The following ADAMTSL3 variants were observed in gnomAD, a reference collection of about 807,000 sequenced individuals.
ADAMTSL3 encodes ADAMTS-like protein 3.
A neutral mutation model predicts 201.7 loss-of-function variants in ADAMTSL3; 128 were observed. The ratio of observed to expected loss-of-function variants is 0.63; its 90% CI spans 0.55 to 0.73. ADAMTSL3 has a LOEUF of 0.73. ADAMTSL3 is among the 30% of genes least tolerant of loss of function. ADAMTSL3 has a pLI of 0.00. For synonymous variants in ADAMTSL3, 738 were observed against 748.4 expected (o/e 0.99, Z 0.23); for missense variants, 1,990 against 2,119.6 (o/e 0.94, Z 1.20).
intron 3 of ADAMTSL3, among the ~76,000 whole-genome samples, chr15:83,744,701 C>G (rs996651180): frequency 2.0e-5 from 3 of 152,134 alleles, no homozygotes; most frequent in African/African-American, 7.2e-5. Context: ...ATTTATTTTA[C>G]CTATCTAACT....
rs750560056 is a variant in ADAMTSL3, at chr15:83,942,806, C to T, written c.2310+18C>T. 1 of 1,610,402 alleles carries T rather than the reference C, an allele frequency of 6.2e-7. No homozygotes were observed. ...GGCAGCAGGTAGGGCAGACTGGCCA[C>T]TCCAGGGCCCTCTGTGATTATGACT... is the stretch of plus-strand genomic sequence containing the variant. On this transcript the variant is annotated intron_variant, in intron 18 of 29. Transcript: ENST00000286744.
chr15:83,983,067 C>A lies in ADAMTSL3; in HGVS notation c.3439C>A (p.Pro1147Thr). Reference protein sequence around the residue: ...QWRGIQEETPPAAQLRGETGS... With the variant: ...QWRGIQEETPTAAQLRGETGS... ...GCGGGGCATCCAGGAAGAGACACCT[C>A]CTGCTGCTCAGCTCAGAGGGGAAAC... Residue 1147 changes from proline to threonine, a missense_variant, in exon 21 of 30, where the codon CCT (proline) becomes ACT (threonine). Physicochemically the swap from Pro to Thr is conservative, Grantham distance 38 (BLOSUM62 -1). Coordinates refer to ENST00000286744, the MANE Select transcript of ADAMTSL3 (RefSeq NM_207517.3). 6.2e-7 allele frequency: 1 copy of A among 1,614,148 alleles called. No homozygotes were observed. Among genetic ancestry groups the A allele is most frequent in the Non-Finnish European group, 8.5e-7 (1 of 1,180,028 alleles).
In ADAMTSL3 at chr15:83,773,621, A is replaced by G. The variant is rs759423020; in HGVS notation, c.288A>G (p.Ser96=). The G allele has an allele frequency of 1.2e-6, 2 of 1,611,796 alleles. No individual in the cohort carries two copies. The highest frequency in any genetic ancestry group is 1.3e-5 in the African/African-American group (1 of 74,720). The change falls in exon 4 of 30, where the codon TCA becomes TCG. Residue 96 remains serine (S), a synonymous_variant. Coordinates refer to ENST00000286744, the MANE Select transcript of ADAMTSL3 (RefSeq NM_207517.3). ...CCCGGACCTGTGGGGGAGGAGCATC[A>G]TATTCTCTGCGGAGATGTTTGACTG... ...DCSRTCGGGA[S]YSLRRCLTGR...
At chr15:83,816,728 T>A (rs2063777650) in intron 5 of ADAMTSL3, among the ~76,000 whole-genome samples, 2 of 152,206 alleles carry the variant, frequency 1.3e-5, no homozygotes. Context: ...TCATCTGGCC[T>A]GGCACGGTGG....
intron 3 of ADAMTSL3, among the ~76,000 whole-genome samples, chr15:83,738,203 G>GA (rs1401319223): frequency 1.3e-5 from 2 of 151,998 alleles, no homozygotes; most frequent in African/African-American, 2.4e-5. Context: ...TTTAAATTTA[G>GA]AAAAAAATGG....
chr15:83,759,856 T>C (rs2062781273), intron 3 of ADAMTSL3, among the ~76,000 whole-genome samples: 3 of 152,182 alleles, frequency 2.0e-5, no homozygotes, highest in Admixed American at 2.0e-4. Context: ...ATGAAATATA[T>C]TAACATAAAG....
At chr15:84,009,530 GT>G (rs1245607388) in intron 23 of ADAMTSL3, among the ~76,000 whole-genome samples, 4 of 152,192 alleles carry the variant, frequency 2.6e-5, no homozygotes, top group Admixed American at 6.5e-5. Context: ...GGGTCCAATA[GT>G]TACCATATTT....
chr15:83,680,857 T>C (rs1216672130), intron 2 of ADAMTSL3, among the ~76,000 whole-genome samples: 1 of 152,188 alleles, frequency 6.6e-6, no homozygotes, highest in Non-Finnish European at 1.5e-5. Context: ...TATTCATGTC[T>C]TATTTTTCAA....
chr15:83,893,183 A>C (rs2065545733), intron 13 of ADAMTSL3, among the ~76,000 whole-genome samples: 1 of 152,218 alleles, frequency 6.6e-6, no homozygotes, highest in African/African-American at 2.4e-5. Flanking sequence ...ACAAATGTTG[A>C]AGCAGAGTCA....
chr15:83,780,048 A>T (rs1596193670), intron 4 of ADAMTSL3, among the ~76,000 whole-genome samples: 1 of 130,418 alleles, frequency 7.7e-6, no homozygotes, highest in Middle Eastern at 3.5e-3. Flanking sequence ...AACCAATCCC[A>T]AAGCTAGCAG....
intron 2 of ADAMTSL3, among the ~76,000 whole-genome samples, chr15:83,672,743 G>A (rs72761824): frequency 0.096 from 14,619 of 152,226 alleles, 953 homozygotes; most frequent in East Asian, 0.35. Context: ...CAAAGAACAG[G>A]GATAGGTGGG....
At chr15:83,799,200 A>G (rs932854536) in intron 4 of ADAMTSL3, among the ~76,000 whole-genome samples, 1 of 152,116 alleles carries the variant, frequency 6.6e-6, no homozygotes, top group African/African-American at 2.4e-5. Context: ...TACATATAAA[A>G]CCAAACTGAA....
Position 83,747,846 on chromosome 15 carries a change from T to C in ADAMTSL3, c.190-25677T>C, listed in dbSNP as rs534550859. On this transcript the variant is annotated intron_variant, in intron 3 of 29. Coordinates refer to ENST00000286744, the MANE Select transcript of ADAMTSL3 (RefSeq NM_207517.3). ...TGTTTAAGGATGGAGAAGCGGATCT[T>C]ATTTCAGAACATGGGTCATCCTAGA... Among the ~76,000 whole-genome samples, 17 of 151,562 alleles carry C rather than the reference T, an allele frequency of 1.1e-4. No homozygotes were observed. In the South Asian group the frequency reaches 1.3e-3, roughly 11 times the overall value.
At chr15:83,668,092 A>G (rs934440013) in intron 2 of ADAMTSL3, among the ~76,000 whole-genome samples, 3 of 152,106 alleles carry the variant, frequency 2.0e-5, no homozygotes, top group African/African-American at 7.2e-5. Context: ...CTTCAGCTTG[A>G]AACAACAAAA....
At position 83,804,637 on chromosome 15, in the gene ADAMTSL3, T is replaced by A; in HGVS notation, c.318-13T>A. 6.5e-7 allele frequency: 1 copy of A among 1,533,318 alleles called. No homozygotes were observed. Among genetic ancestry groups the A allele is most frequent in the Non-Finnish European group, 8.9e-7 (1 of 1,127,496 alleles). The allele number at this position is 1,533,318 out of a possible 1,614,324, so 95.0% of individuals were successfully genotyped here. A position where few individuals can be genotyped will look rare whatever the true frequency, so the allele number is the denominator to read the frequency against. On this transcript the variant is annotated splice_polypyrimidine_tract_variant and intron_variant, in intron 4 of 29. Coordinates refer to ENST00000286744, the MANE Select transcript of ADAMTSL3 (RefSeq NM_207517.3). ...ATCATTATTTCTTCTTTCTTCTTTCTTTTTTCCTTTAGGAATTGTGAAGGG... is the reference window on the plus strand; with the variant it reads ...ATCATTATTTCTTCTTTCTTCTTTCATTTTTCCTTTAGGAATTGTGAAGGG...
intron 9 of ADAMTSL3, among the ~76,000 whole-genome samples, chr15:83,875,592 G>T (rs1448736597): frequency 2.0e-5 from 3 of 152,130 alleles, no homozygotes; most frequent in African/African-American, 7.2e-5. Flanking sequence ...AGACCATCCT[G>T]GCCAACATGG....
intron 22 of ADAMTSL3, among the ~76,000 whole-genome samples, chr15:83,990,508 G>C (rs1284465711): frequency 6.6e-6 from 1 of 152,138 alleles, no homozygotes; most frequent in Non-Finnish European, 1.5e-5. Context: ...TGGACACTTG[G>C]TAAATGTTTA....
intron 10 of ADAMTSL3, among the ~76,000 whole-genome samples, chr15:83,886,058 T>C (rs1026110948): frequency 6.6e-6 from 1 of 152,084 alleles, no homozygotes; most frequent in African/African-American, 2.4e-5. Context: ...TGAGGAAGGT[T>C]TGGGGACAAG....
At chr15:83,961,083 A>G (rs2066960784) in intron 19 of ADAMTSL3, among the ~76,000 whole-genome samples, 2 of 152,200 alleles carry the variant, frequency 1.3e-5, no homozygotes, top group Non-Finnish European at 2.9e-5. Context: ...AAAAGAGACT[A>G]TAAGACAACA....
Sources: allele counts gnomAD v4.1 joint callset (sites outside exome capture counted in the v4.1 genomes callset), GRCh38; gene constraint gnomAD v4.1.1; transcripts MANE v1.5; gene names NCBI Gene and HGNC (gene_info 2026-07-23, HGNC 2026-07-21).